The following SOX5 variants were observed in gnomAD, a reference collection of about 807,000 sequenced individuals.
SOX5 encodes the protein transcription factor SOX-5.
SOX5 carries 9 observed loss-of-function variants against 92.0 expected under a neutral mutation model. The ratio of observed to expected loss-of-function variants is 0.10; its 90% CI spans 0.06 to 0.17. The LOEUF (loss-of-function observed/expected upper bound fraction) is 0.17, where lower values mean the gene tolerates loss of function less well. Ranked by LOEUF, SOX5 falls within the 10% of genes least tolerant of loss-of-function variation. SOX5 has a pLI of 1.00. For synonymous variants in SOX5, 344 were observed against 336.3 expected (o/e 1.02, Z -0.25); for missense variants, 642 against 944.5 (o/e 0.68, Z 4.20).
chr12:24,073,340 A>G (rs1311195242), intron 4 of SOX5, among the ~76,000 whole-genome samples: 1 of 152,212 alleles, frequency 6.6e-6, no homozygotes, highest in Non-Finnish European at 1.5e-5. Flanking sequence ...ACAAACAAAC[A>G]TAAAAACCGA....
chr12:24,313,282 C>G (rs769293511), intron 2 of SOX5, among the ~76,000 whole-genome samples: 1 of 152,172 alleles, frequency 6.6e-6, no homozygotes, highest in South Asian at 2.1e-4. Flanking sequence ...AACCCCAGCA[C>G]TTTGGGAGGC....
intron 4 of SOX5, among the ~76,000 whole-genome samples, chr12:24,012,669 C>T (rs964299996): frequency 5.3e-5 from 8 of 151,892 alleles, no homozygotes; most frequent in Non-Finnish European, 1.2e-4. Context: ...GACAAACCTC[C>T]AAGGAAATCA....
At chr12:23,738,694 ATG>A (rs2093690508) in intron 5 of SOX5, among the ~76,000 whole-genome samples, 2 of 152,184 alleles carry the variant, frequency 1.3e-5, no homozygotes, top group Admixed American at 1.3e-4. Context: ...CTTTCAGGAC[ATG>A]TGTGCCCTCA....
intron 9 of SOX5, among the ~76,000 whole-genome samples, chr12:23,600,517 G>C (rs1225028618): frequency 1.6e-4 from 4 of 25,162 alleles, no homozygotes; most frequent in African/African-American, 5.7e-4. Context: ...ATGGCGGGGG[G>C]GGTGCATATA....
At chr12:24,065,678 AG>A (rs1226001235) in intron 4 of SOX5, among the ~76,000 whole-genome samples, 1 of 151,456 alleles carries the variant, frequency 6.6e-6, no homozygotes, top group Non-Finnish European at 1.5e-5. Flanking sequence ...AAAAGAAAAA[AG>A]AAAAAGAAAA....
At chr12:23,719,368 A>G (rs950305536) in intron 6 of SOX5, among the ~76,000 whole-genome samples, 1 of 152,152 alleles carries the variant, frequency 6.6e-6, no homozygotes, top group African/African-American at 2.4e-5. Flanking sequence ...GAGAAGTGAG[A>G]TTCACAAGGT....
At chr12:23,981,292 G>C (rs982020750) in intron 4 of SOX5, among the ~76,000 whole-genome samples, 1 of 152,152 alleles carries the variant, frequency 6.6e-6, no homozygotes, top group Non-Finnish European at 1.5e-5. Context: ...CTAGTTTACA[G>C]AATTGCTTAG....
rs539118488 is a variant in SOX5, at chr12:24,498,056, G to A, written c.-251+64273C>T. On this transcript the variant is annotated intron_variant, in intron 1 of 4. Transcript: ENST00000446891. ...AACACACACTGAGGCCTGTCTGAGG[G>A]TGCAGCAGGAGGAGGGAGAGCATCA... Among the ~76,000 whole-genome samples the A allele has an allele frequency of 2.4e-3, 367 of 152,274 alleles. 2 individuals carry two copies. The highest frequency in any genetic ancestry group is 4.4e-3 in the Non-Finnish European group (299 of 68,022).
chr12:23,705,661 C>T (rs1191129020), intron 6 of SOX5, among the ~76,000 whole-genome samples: 1 of 152,052 alleles, frequency 6.6e-6, no homozygotes, highest in Non-Finnish European at 1.5e-5. Context: ...GTACCCTTTA[C>T]AAACCACCTT....
chr12:24,340,347 C>G (rs563413123), intron 2 of SOX5, among the ~76,000 whole-genome samples: 2 of 152,294 alleles, frequency 1.3e-5, no homozygotes, highest in Admixed American at 6.5e-5. Context: ...AAACATAACT[C>G]AACATGACAA....
At chr12:24,497,365 C>A (rs1244276407) in intron 1 of SOX5, among the ~76,000 whole-genome samples, 2 of 152,128 alleles carry the variant, frequency 1.3e-5, no homozygotes, top group East Asian at 3.9e-4. Flanking sequence ...TCCTAAGATG[C>A]CAGGCAGAGT....
intron 3 of SOX5, among the ~76,000 whole-genome samples, chr12:24,240,852 C>G (rs1162727237): frequency 6.6e-6 from 1 of 152,144 alleles, no homozygotes. Flanking sequence ...AATTAATATG[C>G]AGTGTAACAT....
chr12:23,801,372 C>A (rs569847720), intron 3 of SOX5, among the ~76,000 whole-genome samples: 2 of 152,070 alleles, frequency 1.3e-5, no homozygotes, highest in African/African-American at 4.8e-5. Context: ...ATCTTCCAAA[C>A]CCATTTAAAC....
intron 4 of SOX5, among the ~76,000 whole-genome samples, chr12:24,066,088 A>G (rs10842268): frequency 0.4 from 60,294 of 152,054 alleles, 12,341 homozygotes; most frequent in Non-Finnish European, 0.45. Flanking sequence ...GCATTAAATG[A>G]ATAAATACAG....
chr12:23,956,532 A>T (rs1301453996), intron 4 of SOX5, among the ~76,000 whole-genome samples: 1 of 152,056 alleles, frequency 6.6e-6, no homozygotes, highest in Non-Finnish European at 1.5e-5. Flanking sequence ...TTTAATCTCA[A>T]TGCCATACTC....
chr12:23,942,587 T>C (rs1277537611), intron 1 of SOX5, among the ~76,000 whole-genome samples: 1 of 151,646 alleles, frequency 6.6e-6, no homozygotes, highest in East Asian at 1.9e-4. Context: ...CTTTATAAAA[T>C]TGCTGCTCAG....
chr12:23,595,395 G>A (rs1318407912), intron 9 of SOX5, among the ~76,000 whole-genome samples: 4 of 152,016 alleles, frequency 2.6e-5, no homozygotes, highest in South Asian at 2.1e-4. Context: ...GGCCGAGGCC[G>A]GCGGATCATG....
At chr12:23,860,395 GA>G (rs1370658393) in intron 2 of SOX5, among the ~76,000 whole-genome samples, 1 of 151,468 alleles carries the variant, frequency 6.6e-6, no homozygotes, top group Non-Finnish European at 1.5e-5. Context: ...AAAATAATAA[GA>G]AAAAAAAGAG....
At chr12:23,906,199 CT>C (rs1258053795) in intron 1 of SOX5, among the ~76,000 whole-genome samples, 8 of 152,118 alleles carry the variant, frequency 5.3e-5, no homozygotes, top group African/African-American at 1.7e-4. Flanking sequence ...TATGTTTAAC[CT>C]TCAGCCATCT....
Sources: gnomAD v4.1 joint callset for allele counts (sites outside exome capture counted in the v4.1 genomes callset) on GRCh38, gnomAD v4.1.1 for gene constraint, MANE v1.5 for transcripts, NCBI Gene and HGNC (gene_info 2026-07-23, HGNC 2026-07-21) for gene names.